IFT122: variants seen among roughly 807,000 people sequenced by gnomAD.
IFT122 encodes intraflagellar transport 122, also known as intraflagellar transport protein 122 homolog.
Under a neutral mutation model 161.6 loss-of-function variants are expected in IFT122, and 118 were observed. That is an observed-to-expected ratio of 0.73 (90% CI 0.63 to 0.85). The LOEUF is 0.85. Ranked by LOEUF, IFT122 falls within the 40% of genes least tolerant of loss-of-function variation. IFT122 has a pLI of 0.00. For missense variants in IFT122, 1,381 were observed against 1,579.6 expected, an observed-to-expected ratio of 0.87 and a Z score of 2.13; for synonymous variants, 550 against 602.4, an observed-to-expected ratio of 0.91 and a Z score of 1.27.
In IFT122 at chr3:129,472,300, C is replaced by T. The variant is rs531664036; in HGVS notation, c.816+2883C>T. 4.1e-4 allele frequency among the ~76,000 whole-genome samples: 63 copies of T among 151,950 alleles called. 1 individual carries two copies. Among genetic ancestry groups the T allele is most frequent in the South Asian group, 1.7e-3 (8 of 4,800 alleles). On this transcript the variant is annotated intron_variant, in intron 9 of 29. Coordinates refer to ENST00000348417, the MANE Select transcript of IFT122 (RefSeq NM_052989.3). The stretch of plus-strand genomic sequence containing the variant: ...TTCCAAGTAGCTGGGACTACAGGCA[C>T]ATGCCACCACATCCTGCTAATTAAA...
intron 9 of IFT122, among the ~76,000 whole-genome samples, chr3:129,472,433 G>A (rs2077461063): frequency 6.6e-6 from 1 of 151,936 alleles, no homozygotes; most frequent in African/African-American, 2.4e-5. Flanking sequence ...CCAAACTGCT[G>A]GGAATACAGG....
intron 9 of IFT122, among the ~76,000 whole-genome samples, chr3:129,475,568 C>T (rs1045118273): frequency 1.3e-5 from 2 of 152,298 alleles, no homozygotes; most frequent in Non-Finnish European, 2.9e-5. Flanking sequence ...AGGAGGATCA[C>T]GTGAAGCTGG....
chr3:129,514,546 G>A lies in IFT122; in HGVS notation c.3145G>A (p.Asp1049Asn), dbSNP rs537235340. 7 of 1,614,160 alleles carry A rather than the reference G, an allele frequency of 4.3e-6. No homozygotes were observed. Among genetic ancestry groups the A allele is most frequent in the African/African-American group, 4.0e-5 (3 of 75,042 alleles). ...TLTIRAKPFHDSEELVPLCYR... is the reference protein window; with the variant it reads ...TLTIRAKPFHNSEELVPLCYR... ...GACCATCCGCGCCAAGCCCTTCCAC[G>A]ACAGTGAGGTGAGGATGCAGCACCC... is the stretch of plus-strand genomic sequence containing the variant. Residue 1049 changes from aspartate to asparagine, a missense_variant, in exon 25 of 30, where the codon GAC becomes AAC. Asp to Asn is a conservative substitution (Grantham distance 23, BLOSUM62 1). Coordinates refer to ENST00000348417, the MANE Select transcript of IFT122 (RefSeq NM_052989.3).
chr3:129,490,999 T>A (rs2080014938), intron 16 of IFT122, among the ~76,000 whole-genome samples: 2 of 152,170 alleles, frequency 1.3e-5, no homozygotes, highest in South Asian at 4.1e-4. Flanking sequence ...AGCTCTTAGC[T>A]CTGGGAGGTG....
rs111975314 is a variant in IFT122, at chr3:129,492,532, C to T, written c.2046+338C>T. 4.1e-3 allele frequency among the ~76,000 whole-genome samples: 630 copies of T among 152,270 alleles called. 5 individuals are homozygous for T. The highest frequency in any genetic ancestry group is 0.015 in the African/African-American group (610 of 41,540). On this transcript the variant is annotated intron_variant, in intron 17 of 29. Coordinates refer to ENST00000348417, the MANE Select transcript of IFT122 (RefSeq NM_052989.3). ...GAACTGGTTTGCATCCTCCTGGTGG[C>T]GGATAGCTGGTCACCATCCTCTCAG... is the stretch of plus-strand genomic sequence containing the variant.
intron 4 of IFT122, 88 bp downstream of exon 4, chr3:129,458,765 CT>C: frequency 2.0e-6 from 2 of 991,510 alleles, no homozygotes; most frequent in Admixed American, 3.6e-5. Flanking sequence ...TAGGAGAAAA[CT>C]TTTTTCTCTT....
chr3:129,458,785 C>G (rs2075827490), intron 4 of IFT122, 108 bp downstream of exon 4: 1 of 824,460 alleles, frequency 1.2e-6, no homozygotes, highest in Non-Finnish European at 2.1e-6. Flanking sequence ...TTAAATTGAA[C>G]TTGAAATTAA....
intron 19 of IFT122, among the ~76,000 whole-genome samples, chr3:129,502,062 C>CATGAGTG (rs1031029034): frequency 9.9e-5 from 15 of 152,176 alleles, no homozygotes; most frequent in African/African-American, 2.7e-4. Flanking sequence ...GGCTGCTCAC[C>CATGAGTG]ATGGGGAAGC....
intron 1 of IFT122, among the ~76,000 whole-genome samples, chr3:129,443,337 C>T (rs1213393877): frequency 1.3e-5 from 2 of 152,116 alleles, no homozygotes; most frequent in African/African-American, 4.8e-5. Flanking sequence ...TGTATCTCTG[C>T]AATGGAATCT....
chr3:129,519,784 T>G, intron 29 of IFT122, 52 bp downstream of exon 29: 3 of 1,604,976 alleles, frequency 1.9e-6, no homozygotes, highest in Non-Finnish European at 2.6e-6. Flanking sequence ...CACTTTTCCC[T>G]TGCCCAAATG....
chr3:129,455,670 C>G (rs1196944019), intron 3 of IFT122, among the ~76,000 whole-genome samples: 1 of 151,978 alleles, frequency 6.6e-6, no homozygotes, highest in Non-Finnish European at 1.5e-5. Flanking sequence ...CATGTAATTT[C>G]TGAACCCCCC....
At chr3:129,471,019 A>G (rs1357279287) in intron 9 of IFT122, among the ~76,000 whole-genome samples, 4 of 152,228 alleles carry the variant, frequency 2.6e-5, no homozygotes, top group Admixed American at 2.6e-4. Flanking sequence ...AGGGTGGATT[A>G]AAATATAGAG....
Position 129,475,762 on chromosome 3 carries a change from C to T in IFT122, c.817-553C>T, listed in dbSNP as rs551875344. ...CCAGGAGTTGAAGGCTGCAGTGAGC[C>T]GTAATTGCACCACTGCACTCCAGCC... On this transcript the variant is annotated intron_variant, in intron 9 of 29. Transcript: ENST00000348417. Among the ~76,000 whole-genome samples the T allele has an allele frequency of 1.4e-4, 22 of 152,166 alleles. No individual in the cohort carries two copies. In the South Asian group the frequency reaches 3.7e-3, roughly 26 times the overall value.
intron 8 of IFT122, among the ~76,000 whole-genome samples, chr3:129,468,154 A>G (rs779127674): frequency 3.3e-5 from 5 of 152,096 alleles, no homozygotes; most frequent in Admixed American, 6.5e-5. Flanking sequence ...CTTTTCCCTT[A>G]GTTTTGGGTT....
intron 17 of IFT122, among the ~76,000 whole-genome samples, chr3:129,492,664 G>A (rs983513810): frequency 2.3e-4 from 35 of 152,060 alleles, no homozygotes; most frequent in Non-Finnish European, 4.1e-4. Flanking sequence ...TGAACTGAGC[G>A]CCCCAGAGTT....
intron 23 of IFT122, 90 bp downstream of exon 23, chr3:129,507,852 T>G (rs1405277381): frequency 3.1e-6 from 3 of 961,024 alleles, no homozygotes; most frequent in Non-Finnish European, 5.0e-6. Flanking sequence ...CTGGATGGAA[T>G]GTAACCCACT....
chr3:129,447,348 T>C (rs2074136789), intron 1 of IFT122, among the ~76,000 whole-genome samples: 2 of 152,154 alleles, frequency 1.3e-5, no homozygotes, highest in Admixed American at 1.3e-4. Flanking sequence ...TTCCAGGCTA[T>C]AGGTAAATTT....
At position 129,483,481 on chromosome 3, in the gene IFT122, C is replaced by A; in HGVS notation, c.1654-4C>A. On this transcript the variant is annotated splice_region_variant and splice_polypyrimidine_tract_variant and intron_variant, in intron 14 of 29. Coordinates refer to ENST00000348417, the MANE Select transcript of IFT122 (RefSeq NM_052989.3). ...ACAGGATCCCCACTGTCCCTGTTCC[C>A]CAGGAACCAAACGCCAACAGTGTAG... 6.2e-7 allele frequency: 1 copy of A among 1,613,832 alleles called. No individual in the cohort carries two copies. Among genetic ancestry groups the A allele is most frequent in the Non-Finnish European group, 8.5e-7 (1 of 1,179,932 alleles).
intron 3 of IFT122, 102 bp from the exon 4 acceptor site, chr3:129,458,497 C>T (rs2075797186): frequency 1.0e-6 from 1 of 982,808 alleles, no homozygotes; most frequent in Non-Finnish European, 1.6e-6. Flanking sequence ...AAGAAGCTAA[C>T]ACTTACTAGG....
Sources: allele counts gnomAD v4.1 joint callset (sites outside exome capture counted in the v4.1 genomes callset), GRCh38; gene constraint gnomAD v4.1.1; transcripts MANE v1.5; gene names NCBI Gene and HGNC (gene_info 2026-07-23, HGNC 2026-07-21).